The following DIO2 variants were observed in gnomAD, a reference collection of about 807,000 sequenced individuals.
DIO2 encodes type II iodothyronine deiodinase.
Under a neutral mutation model 21.4 loss-of-function variants are expected in DIO2, and 19 were observed. The ratio of observed to expected loss-of-function variants is 0.89; its 90% CI spans 0.62 to 1.30. The LOEUF is 1.30. Among genes scored for constraint, DIO2 ranks in the 50% most tolerant of loss-of-function variants. The probability of loss-of-function intolerance (pLI) is 0.00; values close to 1 mark genes in which losing one functional copy is unlikely to be tolerated. For synonymous variants in DIO2, 122 were observed against 132.9 expected, an observed-to-expected ratio of 0.92 and a Z score of 0.57; for missense variants, 302 against 338.1, an observed-to-expected ratio of 0.89 and a Z score of 0.84.
rs759909930 is a variant in DIO2 at position 80,203,006 on chromosome 14, C to T, written c.505G>A (p.Gly169Ser). Residue 169 changes from glycine to serine, a missense_variant, in exon 2 of 2, where the codon GGC becomes AGC. Gly to Ser is a moderately conservative substitution (Grantham distance 56). Transcript: ENST00000438257. ...VYIDEAHPSDGWAIPGDSSLS... is the reference protein window; with the variant it reads ...VYIDEAHPSDSWAIPGDSSLS... ...GAGGAGTCCCCCGGTATCGCCCAGCCATCTGATGGATGAGCCTCATCAATG... is the reference window on the plus strand; with the variant it reads ...GAGGAGTCCCCCGGTATCGCCCAGCTATCTGATGGATGAGCCTCATCAATG... 6.2e-7 allele frequency: 1 copy of T among 1,613,926 alleles called. No homozygotes were observed. Among genetic ancestry groups the T allele is most frequent in the East Asian group, 2.2e-5 (1 of 44,866 alleles).
At chr14:80,226,228 G>A (rs139992932) in intron 2 of DIO2, among the ~76,000 whole-genome samples, 4 of 152,134 alleles carry the variant, frequency 2.6e-5, no homozygotes, top group African/African-American at 9.7e-5. Context: ...TATCGTAATT[G>A]TGACTTCAAA....
intron 2 of DIO2, among the ~76,000 whole-genome samples, chr14:80,228,217 C>A (rs1187344928): frequency 1.3e-5 from 2 of 152,168 alleles, no homozygotes; most frequent in Admixed American, 1.3e-4. Flanking sequence ...TGAAGTAGGA[C>A]AGTAAATGTA....
At chr14:80,227,056 G>A (rs777080015) in intron 2 of DIO2, among the ~76,000 whole-genome samples, 5 of 152,106 alleles carry the variant, frequency 3.3e-5, no homozygotes, top group Non-Finnish European at 7.4e-5. Flanking sequence ...TGCACAACCA[G>A]GTACACTGCT....
upstream of DIO2, chr14:80,211,547 G>T: frequency 4.4e-5 from 9 of 205,604 alleles, no homozygotes; most frequent in Non-Finnish European, 6.3e-5. Flanking sequence ...GGGGGGTGGT[G>T]ATAAAGGGGG....
In DIO2 at chr14:80,201,031, C is replaced by T. The variant is rs1490198760; in HGVS notation, c.*1658G>A. On this transcript the variant is annotated 3_prime_UTR_variant, in exon 2 of 2. Coordinates refer to ENST00000438257, the MANE Select transcript of DIO2 (RefSeq NM_013989.5). ...TCATATACTATGATTTCATAATAGT[C>T]TCATATTTACCAAAAAGAAATTATG... 6.6e-6 allele frequency: 1 copy of T among 151,750 alleles called. No individual in the cohort carries two copies. The highest frequency in any genetic ancestry group is 1.5e-5 in the Non-Finnish European group (1 of 67,962). The allele number at this position is 151,750 out of a possible 1,614,324, so 9.4% of individuals were successfully genotyped here. A position where few individuals can be genotyped will look rare whatever the true frequency, so the allele number is the denominator to read the frequency against.
intron 1 of DIO2, among the ~76,000 whole-genome samples, chr14:80,206,900 G>A (rs765364185): frequency 3.3e-5 from 5 of 152,124 alleles, no homozygotes; most frequent in Non-Finnish European, 5.9e-5. Context: ...AGCATTAGCC[G>A]CTCTAAAGAG....
rs1853771101 is a variant in DIO2 at position 80,202,534 on chromosome 14, G to T, written c.*155C>A. ...GCCCAATGCCATTTGAGTAGTGAAAGAAGTATGGAGCTGTTAGAGATTCAT... is the reference window on the plus strand; with the variant it reads ...GCCCAATGCCATTTGAGTAGTGAAATAAGTATGGAGCTGTTAGAGATTCAT... On this transcript the variant is annotated 3_prime_UTR_variant, in exon 2 of 2. Transcript: ENST00000438257. 1 of 796,864 alleles carries T rather than the reference G, an allele frequency of 1.3e-6. No individual in the cohort carries two copies. The highest frequency in any genetic ancestry group is 2.6e-5 in the Admixed American group (1 of 38,814). 49.4% of individuals were successfully genotyped at this position (796,864 alleles called of 1,614,324 possible). A position where few individuals can be genotyped will look rare whatever the true frequency, so the allele number is the denominator to read the frequency against.
At chr14:80,206,509 T>C (rs770586374) in intron 1 of DIO2, among the ~76,000 whole-genome samples, 1 of 151,974 alleles carries the variant, frequency 6.6e-6, no homozygotes, top group African/African-American at 2.4e-5. Context: ...TTTGCTGGGT[T>C]ATGCACCCTG....
At chr14:80,207,470 C>T (rs558425722) in intron 1 of DIO2, among the ~76,000 whole-genome samples, 66 of 152,232 alleles carry the variant, frequency 4.3e-4, no homozygotes, top group African/African-American at 1.2e-3. Flanking sequence ...CAATATATCA[C>T]ATAATCTCAT....
At chr14:80,211,538 G>A (rs1015734496), upstream of DIO2, 324 of 915,158 alleles carry the variant, frequency 3.5e-4, no homozygotes, top group Non-Finnish European at 4.6e-4. Flanking sequence ...TATTTAAAAG[G>A]GGGGTGGTGA....
intron 2 of DIO2, among the ~76,000 whole-genome samples, chr14:80,221,130 C>A (rs749004952): frequency 2.0e-5 from 3 of 152,130 alleles, no homozygotes; most frequent in Admixed American, 6.5e-5. Flanking sequence ...CTTTATAACC[C>A]CTACTCACTT....
chr14:80,213,318 T>C (rs1888270554), upstream of DIO2, among the ~76,000 whole-genome samples: 1 of 152,208 alleles, frequency 6.6e-6, no homozygotes, highest in African/African-American at 2.4e-5. Context: ...AATAGATAGC[T>C]GAGTTTTCTA....
At position 80,198,512 on chromosome 14, in the gene DIO2, G is replaced by T. The variant is rs546817446; in HGVS notation, c.*4177C>A. On this transcript the variant is annotated 3_prime_UTR_variant, in exon 2 of 2. Transcript: ENST00000438257. ...AGAAGTTTGTTTTCAAATCTTCCCAGATTGGTAGACCAAGCCCTCAGGGCC... is the reference window on the plus strand; with the variant it reads ...AGAAGTTTGTTTTCAAATCTTCCCATATTGGTAGACCAAGCCCTCAGGGCC... 2 of 152,624 alleles carry T rather than the reference G, an allele frequency of 1.3e-5. No homozygotes were observed. The highest frequency in any genetic ancestry group is 3.9e-4 in the East Asian group (2 of 5,174). 9.5% of individuals were successfully genotyped at this position (152,624 alleles called of 1,614,324 possible).
intron 2 of DIO2, among the ~76,000 whole-genome samples, chr14:80,221,267 A>T (rs1236546382): frequency 1.3e-5 from 2 of 152,114 alleles, no homozygotes; most frequent in African/African-American, 4.8e-5. Flanking sequence ...TTTTTCTCTT[A>T]TATCTACCTT....
In DIO2 at chr14:80,202,998, C is replaced by T. The variant is rs1466984455; in HGVS notation, c.513G>A (p.Ala171=). Residue 171 remains alanine (A), a synonymous_variant, in exon 2 of 2, where the codon GCG becomes GCA. Coordinates refer to ENST00000438257, the MANE Select transcript of DIO2 (RefSeq NM_013989.5). ...AAGACAAAGAGGAGTCCCCCGGTATCGCCCAGCCATCTGATGGATGAGCCT... is the reference window on the plus strand; with the variant it reads ...AAGACAAAGAGGAGTCCCCCGGTATTGCCCAGCCATCTGATGGATGAGCCT... ...IDEAHPSDGW[A]IPGDSSLSFE... is the part of the protein sequence containing the mutation. The T allele has an allele frequency of 1.9e-6, 3 of 1,613,918 alleles. No homozygotes were observed. The highest frequency in any genetic ancestry group is 1.7e-5 in the Admixed American group (1 of 60,016).
intron 2 of DIO2, among the ~76,000 whole-genome samples, chr14:80,225,923 C>T (rs1451059927): frequency 1.3e-5 from 2 of 152,178 alleles, no homozygotes; most frequent in African/African-American, 2.4e-5. Flanking sequence ...GCAATCTTAA[C>T]TTCCAGTTTA....
Position 80,202,207 on chromosome 14 carries a change from T to A in DIO2, c.*482A>T. On this transcript the variant is annotated 3_prime_UTR_variant, in exon 2 of 2. Transcript: ENST00000438257. ...ATAAGGTCTAACCTTAACACCAACG[T>A]CTAACCACATGGCCTGGGTTCAAGG... 1 of 466,218 alleles carries A rather than the reference T, an allele frequency of 2.1e-6. No homozygotes were observed. Among genetic ancestry groups the A allele is most frequent in the Non-Finnish European group, 4.2e-6 (1 of 236,080 alleles). 28.9% of individuals were successfully genotyped at this position (466,218 alleles called of 1,614,324 possible). A position where few individuals can be genotyped will look rare whatever the true frequency, so the allele number is the denominator to read the frequency against.
chr14:80,228,448 T>C (rs1245583053), intron 2 of DIO2, among the ~76,000 whole-genome samples: 1 of 152,216 alleles, frequency 6.6e-6, no homozygotes, highest in Non-Finnish European at 1.5e-5. Flanking sequence ...GATCCGTCTG[T>C]CTTCTACACA....
At chr14:80,223,449 G>T (rs1329238610) in intron 2 of DIO2, among the ~76,000 whole-genome samples, 1 of 152,132 alleles carries the variant, frequency 6.6e-6, no homozygotes, top group East Asian at 1.9e-4. Context: ...ATGTTGTGTT[G>T]CTATTAACAA....
Sources: gnomAD v4.1 joint callset for allele counts (sites outside exome capture counted in the v4.1 genomes callset) on GRCh38, gnomAD v4.1.1 for gene constraint, MANE v1.5 for transcripts, NCBI Gene and HGNC (gene_info 2026-07-23, HGNC 2026-07-21) for gene names.